ZDHHC15: variants seen among roughly 807,000 people sequenced by gnomAD.
ZDHHC15 encodes zDHHC palmitoyltransferase 15.
ZDHHC15 carries 19 observed loss-of-function variants against 31.7 expected under a neutral mutation model. The observed-to-expected ratio is 0.60, with a 90% CI of 0.42 to 0.88. The LOEUF (loss-of-function observed/expected upper bound fraction) is 0.88. Among genes scored for constraint, ZDHHC15 ranks in the 40% least tolerant of loss-of-function variants. The pLI is 0.00. For synonymous variants in ZDHHC15, 103 were observed against 90.0 expected (o/e 1.14, Z -0.82); for missense variants, 209 against 251.2 (o/e 0.83, Z 1.14).
At chrX:75,517,768 C>T (rs909478639) in intron 1 of ZDHHC15, among the ~76,000 whole-genome samples, 3 of 109,883 alleles carry the variant, frequency 2.7e-5, no homozygotes, top group East Asian at 2.8e-4. Context: ...AAGCTGGACT[C>T]GTATCTTATG....
At chrX:75,510,682 T>C (rs6647750) in intron 1 of ZDHHC15, among the ~76,000 whole-genome samples, 11,818 of 83,494 alleles carry the variant, frequency 0.14, 1,402 homozygotes, top group East Asian at 0.81. Context: ...CCCACTAACG[T>C]GTCATCTAGC....
intron 1 of ZDHHC15, among the ~76,000 whole-genome samples, chrX:75,518,731 C>T (rs1417108624): frequency 1.2e-5 from 1 of 86,870 alleles, no homozygotes; most frequent in African/African-American, 4.4e-5. Context: ...GTAGAAATAG[C>T]CCAAATGGCC....
At chrX:75,513,551 G>C (rs764495370) in intron 1 of ZDHHC15, among the ~76,000 whole-genome samples, 1 of 111,386 alleles carries the variant, frequency 9.0e-6, no homozygotes, top group South Asian at 3.8e-4. Context: ...GATCAGTAGA[G>C]GCTGTGAGGA....
intron 2 of ZDHHC15, among the ~76,000 whole-genome samples, chrX:75,481,728 A>T (rs1348457897): frequency 9.0e-6 from 1 of 111,612 alleles, no homozygotes; most frequent in African/African-American, 3.3e-5. Flanking sequence ...CAGCAAAGTT[A>T]TGGAAGCAAT....
At chrX:75,408,662 T>C (rs922758076) in intron 10 of ZDHHC15, among the ~76,000 whole-genome samples, 1 of 112,389 alleles carries the variant, frequency 8.9e-6, no homozygotes, top group Non-Finnish European at 1.9e-5. Flanking sequence ...AGCCAAGTTA[T>C]CCTTGGTTGC....
intron 2 of ZDHHC15, among the ~76,000 whole-genome samples, chrX:75,489,541 G>C (rs1278769887): frequency 8.9e-6 from 1 of 112,102 alleles, no homozygotes; most frequent in Non-Finnish European, 1.9e-5. Flanking sequence ...CTCACTGTTA[G>C]AAGGAAAACT....
chrX:75,420,115 C>A (rs188566878), intron 9 of ZDHHC15, among the ~76,000 whole-genome samples: 253 of 110,072 alleles, frequency 2.3e-3, no homozygotes, highest in African/African-American at 5.5e-3. Context: ...AAAGAAAAAA[C>A]CAAACAACCC....
chrX:75,479,092 T>C (rs1264395320), intron 2 of ZDHHC15, 107 bp from the exon 3 acceptor site: 1 of 470,208 alleles, frequency 2.1e-6, no homozygotes, highest in Non-Finnish European at 3.3e-6. Context: ...TATTAACATG[T>C]ATTCTCTGGT....
At chrX:75,407,478 C>A (rs1182656336) in intron 10 of ZDHHC15, among the ~76,000 whole-genome samples, 2 of 108,039 alleles carry the variant, frequency 1.9e-5, no homozygotes, top group African/African-American at 6.7e-5. Flanking sequence ...CCCCGCCTGG[C>A]CAGCCGCCCC....
At chrX:75,380,097 G>A (rs1016862603) in intron 10 of ZDHHC15, among the ~76,000 whole-genome samples, 3 of 111,875 alleles carry the variant, frequency 2.7e-5, no homozygotes, top group African/African-American at 6.5e-5. Flanking sequence ...CTAGCCTTAG[G>A]GTATTCTTCC....
intron 2 of ZDHHC15, among the ~76,000 whole-genome samples, chrX:75,488,197 T>C (rs1455097265): frequency 1.8e-5 from 2 of 111,340 alleles, no homozygotes; most frequent in East Asian, 5.6e-4. Context: ...CGCAAAAAGA[T>C]CATCCCTAGG....
At chrX:75,470,545 G>A (rs1182632494) in intron 3 of ZDHHC15, among the ~76,000 whole-genome samples, 1 of 111,581 alleles carries the variant, frequency 9.0e-6, no homozygotes, top group Non-Finnish European at 1.9e-5. Context: ...CTGGGGAAAG[G>A]GAAATGATCA....
chrX:75,517,463 C>G (rs2085375263), intron 1 of ZDHHC15, among the ~76,000 whole-genome samples: 1 of 108,179 alleles, frequency 9.2e-6, no homozygotes, highest in South Asian at 4.1e-4. Flanking sequence ...TGGAAACCAT[C>G]ATTCTCAGCA....
At chrX:75,444,804 TA>T (rs1245156386) in intron 4 of ZDHHC15, among the ~76,000 whole-genome samples, 10 of 103,665 alleles carry the variant, frequency 9.6e-5, no homozygotes, top group South Asian at 4.6e-4. Flanking sequence ...ATATCCGTTA[TA>T]AAAAAAAATT....
At chrX:75,391,106 C>T (rs772530149) in intron 10 of ZDHHC15, among the ~76,000 whole-genome samples, 2 of 111,710 alleles carry the variant, frequency 1.8e-5, no homozygotes, top group Admixed American at 9.5e-5. Context: ...GGTTTCTTAA[C>T]AGCAGAATTG....
At chrX:75,456,680 C>T (rs1386194522) in intron 3 of ZDHHC15, among the ~76,000 whole-genome samples, 2 of 110,435 alleles carry the variant, frequency 1.8e-5, no homozygotes, top group South Asian at 3.9e-4. Flanking sequence ...ATCATTTGAC[C>T]CAGCAATCCC....
rs753564700 is a variant in ZDHHC15 at position 75,474,433 on chromosome X, TTATATA to T, written c.258+4452_258+4457del. Among the ~76,000 whole-genome samples, 4 of 51,029 alleles carry T rather than the reference TTATATA, an allele frequency of 7.8e-5. No homozygotes were observed. The East Asian group carries it at 0.015, about 191-fold the overall frequency. 44.3% of individuals were successfully genotyped at this position (51,029 alleles called of 115,157 possible). A position where few individuals can be genotyped will look rare whatever the true frequency, so the allele number is the denominator to read the frequency against. On this transcript the variant is annotated intron_variant, in intron 3 of 11. Coordinates refer to ENST00000373367, the MANE Select transcript of ZDHHC15 (RefSeq NM_144969.3). ...GAATTAATACTTAATAAACTCCCCT[TTATATA>T]TATATATATACACACACACACACAC...
chrX:75,383,777 C>T (rs375609466), intron 10 of ZDHHC15, among the ~76,000 whole-genome samples: 20 of 76,611 alleles, frequency 2.6e-4, no homozygotes, highest in African/African-American at 1.0e-3. Flanking sequence ...CTCACTCTGT[C>T]ACCCAGGCTG....
At chrX:75,439,480 G>T (rs1382875300) in intron 4 of ZDHHC15, among the ~76,000 whole-genome samples, 1 of 110,840 alleles carries the variant, frequency 9.0e-6, no homozygotes, top group Non-Finnish European at 1.9e-5. Context: ...AGTTTCTTTT[G>T]CATTTGTCTA....
Sources: allele counts gnomAD v4.1 joint callset (sites outside exome capture counted in the v4.1 genomes callset), GRCh38; gene constraint gnomAD v4.1.1; transcripts MANE v1.5; gene names NCBI Gene and HGNC (gene_info 2026-07-23, HGNC 2026-07-21).